Variants in GLRX3 observed in about 807,000 individuals in gnomAD.
The protein encoded by GLRX3 is glutaredoxin 3.
Under a neutral mutation model 49.5 loss-of-function variants are expected in GLRX3, and 22 were observed. That is an observed-to-expected ratio of 0.44 (90% CI 0.32 to 0.63). The LOEUF (loss-of-function observed/expected upper bound fraction) is 0.63. Ranked by LOEUF, GLRX3 falls within the 30% of genes least tolerant of loss-of-function variation. The pLI is 0.05. For synonymous variants in GLRX3, 133 were observed against 140.0 expected, an observed-to-expected ratio of 0.95 and a Z score of 0.35; for missense variants, 385 against 396.3, an observed-to-expected ratio of 0.97 and a Z score of 0.24.
chr10:130,138,860 T>TC (rs1392324781), intron 1 of GLRX3, among the ~76,000 whole-genome samples: 3 of 148,252 alleles, frequency 2.0e-5, no homozygotes, highest in African/African-American at 7.5e-5. Flanking sequence ...TTTTTTTTTT[T>TC]TTTTTTTTGG....
At chr10:130,137,854 C>G (rs992025866) in intron 1 of GLRX3, among the ~76,000 whole-genome samples, 1 of 152,118 alleles carries the variant, frequency 6.6e-6, no homozygotes, top group Non-Finnish European at 1.5e-5. Flanking sequence ...CCCACCTCAT[C>G]CTCCCGAGTA....
chr10:130,146,838 G>A (rs1490719831), intron 2 of GLRX3, among the ~76,000 whole-genome samples: 1 of 152,206 alleles, frequency 6.6e-6, no homozygotes, highest in Non-Finnish European at 1.5e-5. Context: ...ACAGAATTTT[G>A]ACAGGGTAAT....
At chr10:130,145,896 C>T (rs1487071149) in intron 2 of GLRX3, among the ~76,000 whole-genome samples, 1 of 151,842 alleles carries the variant, frequency 6.6e-6, no homozygotes, top group Non-Finnish European at 1.5e-5. Context: ...CCGGTTTAAG[C>T]GATTTTCCTG....
chr10:130,175,447 T>C (rs1321332393), intron 10 of GLRX3, among the ~76,000 whole-genome samples: 1 of 152,172 alleles, frequency 6.6e-6, no homozygotes, highest in African/African-American at 2.4e-5. Flanking sequence ...GTGACAGCAG[T>C]GTGAGGCCTG....
chr10:130,136,527 G>A lies in GLRX3; in HGVS notation c.92+15G>A. The A allele has an allele frequency of 7.9e-7, 1 of 1,261,014 alleles. No individual in the cohort carries two copies. Among genetic ancestry groups the A allele is most frequent in the Non-Finnish European group, 1.0e-6 (1 of 996,276 alleles). 78.1% of individuals were successfully genotyped at this position (1,261,014 alleles called of 1,614,324 possible). On this transcript the variant is annotated intron_variant, in intron 1 of 10. Coordinates refer to ENST00000331244, the MANE Select transcript of GLRX3 (RefSeq NM_006541.5). ...CTCAAAGCCAAGTAAGCGGGGCGGCGAGCGGTAGGAGTGAGGAGCCGGAGC... is the reference window on the plus strand; with the variant it reads ...CTCAAAGCCAAGTAAGCGGGGCGGCAAGCGGTAGGAGTGAGGAGCCGGAGC...
intron 1 of GLRX3, among the ~76,000 whole-genome samples, chr10:130,138,839 A>G (rs572998534): frequency 3.5e-4 from 52 of 149,584 alleles, no homozygotes; most frequent in African/African-American, 1.2e-3. Context: ...ATCAAAATGA[A>G]TAAAAGTGTT....
chr10:130,169,581 C>CT (rs1479313870), intron 7 of GLRX3, 91 bp downstream of exon 7: 1 of 835,742 alleles, frequency 1.2e-6, no homozygotes, highest in Non-Finnish European at 2.1e-6. Flanking sequence ...CTAGCTTTAG[C>CT]TAATGAAGCT....
chr10:130,157,168 C>T (rs563212409), intron 2 of GLRX3, among the ~76,000 whole-genome samples: 2 of 152,180 alleles, frequency 1.3e-5, no homozygotes, highest in African/African-American at 4.8e-5. Context: ...TCACCATCTG[C>T]CCTCCACATG....
At chr10:130,143,350 G>T (rs891120818) in intron 1 of GLRX3, among the ~76,000 whole-genome samples, 3 of 152,194 alleles carry the variant, frequency 2.0e-5, no homozygotes, top group Admixed American at 2.0e-4. Flanking sequence ...ACATATTTCT[G>T]TTCGTGATTT....
At position 130,171,601 on chromosome 10, in the gene GLRX3, C is replaced by A; in HGVS notation, c.789C>A (p.Phe263Leu). 1 of 1,550,648 alleles carries A rather than the reference C, an allele frequency of 6.4e-7. No individual in the cohort carries two copies. Among genetic ancestry groups the A allele is most frequent in the Non-Finnish European group, 8.9e-7 (1 of 1,122,178 alleles). Residue 263 changes from phenylalanine to leucine, a missense_variant, in exon 8 of 11, where the codon TTC (phenylalanine) becomes TTA (leucine). This residue lies in a region of GLRX3 where 374 missense variants were observed against 358.6 expected (regional missense o/e 1.04). Transcript: ENST00000331244. ...TCATTTAGGAAGCAAAATGTGGATTCAGCAAACAAATTCTGGAAATACTAA... is the reference window on the plus strand; with the variant it reads ...TCATTTAGGAAGCAAAATGTGGATTAAGCAAACAAATTCTGGAAATACTAA... The part of the protein sequence containing the change: ...KGNKQEAKCG[F>L]SKQILEILNS...
chr10:130,160,936 A>G lies in GLRX3; in HGVS notation c.417A>G (p.Lys139=). 6.2e-7 allele frequency: 1 copy of G among 1,614,010 alleles called. No individual in the cohort carries two copies. The highest frequency in any genetic ancestry group is 8.5e-7 in the Non-Finnish European group (1 of 1,179,918). Residue 139 remains lysine (K), a synonymous_variant, in exon 4 of 11, where the codon AAA becomes AAG. Coordinates refer to ENST00000331244, the MANE Select transcript of GLRX3 (RefSeq NM_006541.5). ...AAGATCTCAACCTTCGCTTGAAGAA[A>G]TTGACTCATGCTGCCCCCTGCATGC... is the stretch of plus-strand genomic sequence containing the variant. ...LKEDLNLRLK[K]LTHAAPCMLF... is the part of the protein sequence containing the mutation.
At chr10:130,144,453 C>G (rs1356055648) in intron 1 of GLRX3, among the ~76,000 whole-genome samples, 1 of 152,008 alleles carries the variant, frequency 6.6e-6, no homozygotes, top group South Asian at 2.1e-4. Context: ...TGCTTTCTCT[C>G]CCCTTGCCCC....
At chr10:130,154,216 C>T (rs1177620217) in intron 2 of GLRX3, among the ~76,000 whole-genome samples, 7 of 152,200 alleles carry the variant, frequency 4.6e-5, no homozygotes, top group Non-Finnish European at 7.3e-5. Flanking sequence ...CAGAAGTGTA[C>T]CATTCCTTCA....
chr10:130,171,769 C>G (rs547523494), intron 8 of GLRX3, 133 bp downstream of exon 8: 21 of 648,370 alleles, frequency 3.2e-5, no homozygotes, highest in African/African-American at 3.1e-4. Flanking sequence ...TGTTCGAGAC[C>G]AGCCTGGACA....
chr10:130,161,460 T>A (rs1659135433), intron 4 of GLRX3, among the ~76,000 whole-genome samples: 1 of 152,254 alleles, frequency 6.6e-6, no homozygotes, highest in African/African-American at 2.4e-5. Flanking sequence ...TCAGTGTTTT[T>A]GTGTCCAGCC....
At chr10:130,148,780 G>T (rs12245589) in intron 2 of GLRX3, among the ~76,000 whole-genome samples, 15,216 of 151,978 alleles carry the variant, frequency 0.1, 787 homozygotes, top group Middle Eastern at 0.13. Context: ...AGTGTATTTG[G>T]GGTGGGGCAC....
At chr10:130,156,427 C>T (rs555060261) in intron 2 of GLRX3, among the ~76,000 whole-genome samples, 24 of 152,282 alleles carry the variant, frequency 1.6e-4, no homozygotes, top group African/African-American at 5.5e-4. Context: ...TTAGGAGGGA[C>T]ATATACATTC....
At chr10:130,174,530 A>G in intron 8 of GLRX3, among the ~76,000 whole-genome samples, 1 of 152,290 alleles carries the variant, frequency 6.6e-6, no homozygotes, top group Non-Finnish European at 1.5e-5. Context: ...TTATGCTGAC[A>G]GTTGCAGCAG....
In GLRX3 at chr10:130,159,608, A is replaced by G. The variant is rs550219809; in HGVS notation, c.202-387A>G. ...AAATTAGTCAATAGAGCAAACAGCAAGAATTGCTGTGGGCAGAAAATAAGC... is the reference window on the plus strand; with the variant it reads ...AAATTAGTCAATAGAGCAAACAGCAGGAATTGCTGTGGGCAGAAAATAAGC... On this transcript the variant is annotated intron_variant, in intron 2 of 10. Coordinates refer to ENST00000331244, the MANE Select transcript of GLRX3 (RefSeq NM_006541.5). The G allele has an allele frequency of 7.7e-5, 13 of 169,532 alleles. No individual in the cohort carries two copies. In the East Asian group the frequency reaches 8.3e-4, roughly 11 times the overall value. The allele number at this position is 169,532 out of a possible 1,614,324, so 10.5% of individuals were successfully genotyped here.
Sources: allele counts gnomAD v4.1 joint callset (sites outside exome capture counted in the v4.1 genomes callset), GRCh38; gene constraint gnomAD v4.1.1; regional missense constraint gnomAD v4.1.1; transcripts MANE v1.5; gene names NCBI Gene and HGNC (gene_info 2026-07-23, HGNC 2026-07-21).